The following PSD2 variants were observed in gnomAD, a reference collection of about 807,000 sequenced individuals.
The protein encoded by PSD2 is PH and SEC7 domain-containing protein 2.
PSD2 carries 38 observed loss-of-function variants against 69.8 expected under a neutral mutation model. The observed-to-expected ratio is 0.54, with a 90% CI of 0.42 to 0.71. PSD2 has a LOEUF of 0.71. Ranked by LOEUF, PSD2 falls within the 30% of genes least tolerant of loss-of-function variation. The pLI is 0.00. For missense variants in PSD2, 943 were observed against 1,014.5 expected, an observed-to-expected ratio of 0.93 and a Z score of 0.96; for synonymous variants, 412 against 423.0, an observed-to-expected ratio of 0.97 and a Z score of 0.32.
chr5:139,753,939 C>T, the PSD2 span, among the ~76,000 whole-genome samples: 7 of 152,136 alleles, frequency 4.6e-5, no homozygotes, highest in Admixed American at 6.5e-5. Context: ...CAGGTTCAAG[C>T]GATTCTCCTG....
intron 1 of PSD2, among the ~76,000 whole-genome samples, chr5:139,800,780 T>C (rs1293601485): frequency 6.6e-6 from 1 of 152,228 alleles, no homozygotes; most frequent in Non-Finnish European, 1.5e-5. Flanking sequence ...CCCTCCACTT[T>C]TGCAGAGATC....
the PSD2 span, among the ~76,000 whole-genome samples, chr5:139,769,001 A>G: frequency 6.6e-6 from 1 of 152,320 alleles, no homozygotes; most frequent in Non-Finnish European, 1.5e-5. Context: ...AACAGGAGCC[A>G]GTCCCTGCCC....
the PSD2 span, among the ~76,000 whole-genome samples, chr5:139,755,141 A>G: frequency 6.6e-6 from 1 of 152,202 alleles, no homozygotes; most frequent in Non-Finnish European, 1.5e-5. Flanking sequence ...CATGGATTTG[A>G]GGCAGCGCCA....
upstream of PSD2, among the ~76,000 whole-genome samples, chr5:139,793,581 A>G (rs895837381): frequency 3.9e-5 from 6 of 152,218 alleles, no homozygotes; most frequent in African/African-American, 7.2e-5. Flanking sequence ...GCCCAGCGCA[A>G]GTTAGCTGGA....
At chr5:139,792,859 T>TTTCCTCCC (rs1759440068), upstream of PSD2, among the ~76,000 whole-genome samples, 1 of 107,788 alleles carries the variant, frequency 9.3e-6, no homozygotes, top group Non-Finnish European at 1.9e-5. Flanking sequence ...TCTTTCTGTC[T>TTTCCTCCC]TTCCTTCCTT....
the PSD2 span, among the ~76,000 whole-genome samples, chr5:139,767,789 T>A: frequency 6.6e-6 from 1 of 152,262 alleles, no homozygotes; most frequent in African/African-American, 2.4e-5. Context: ...TGCCAGGTGC[T>A]GTGCAAAGTG....
At chr5:139,750,013 T>C in the PSD2 span, among the ~76,000 whole-genome samples, 1 of 143,210 alleles carries the variant, frequency 7.0e-6, no homozygotes, top group Non-Finnish European at 1.5e-5. Flanking sequence ...GGGCAACAGA[T>C]CGAGACCGTC....
chr5:139,760,009 G>A, the PSD2 span, among the ~76,000 whole-genome samples: 1 of 152,242 alleles, frequency 6.6e-6, no homozygotes, highest in East Asian at 1.9e-4. Context: ...CCAGGCTGAG[G>A]ACAAAGGCCT....
the PSD2 span, among the ~76,000 whole-genome samples, chr5:139,779,645 T>G: frequency 6.6e-6 from 1 of 152,216 alleles, no homozygotes; most frequent in Non-Finnish European, 1.5e-5. Context: ...TAAGCCCAAC[T>G]CTATCAAGAT....
At chr5:139,824,172 G>A (rs1019696107) in intron 7 of PSD2, among the ~76,000 whole-genome samples, 6 of 152,138 alleles carry the variant, frequency 3.9e-5, no homozygotes, top group African/African-American at 1.4e-4. Flanking sequence ...CCCCACCCCT[G>A]GCTGGGCCTC....
chr5:139,837,480 G>GAGT lies in PSD2; in HGVS notation c.1666-143_1666-141dup. The GAGT allele has an allele frequency of 1.1e-6, 1 of 890,348 alleles. No homozygotes were observed. Among genetic ancestry groups the GAGT allele is most frequent in the Non-Finnish European group, 1.7e-6 (1 of 585,038 alleles). 55.2% of individuals were successfully genotyped at this position (890,348 alleles called of 1,614,324 possible). On this transcript the variant is annotated intron_variant, in intron 11 of 14. Transcript: ENST00000274710. The surrounding 1 kb of genome is among the most constrained non-coding windows in gnomAD (Gnocchi z 5.0). ...CTGGGACAAACTGGGGTAAGGGGAGGAGTACCTGGATTCTTGTTGGGGTGG... is the reference window on the plus strand; with the variant it reads ...CTGGGACAAACTGGGGTAAGGGGAGGAGTAGTACCTGGATTCTTGTTGGGGTGG...
upstream of PSD2, among the ~76,000 whole-genome samples, chr5:139,795,350 G>T (rs951075648): frequency 1.3e-5 from 2 of 151,920 alleles, no homozygotes; most frequent in Non-Finnish European, 2.9e-5. The surrounding 1 kb of genome is among the most constrained non-coding windows in gnomAD (Gnocchi z 4.5). Flanking sequence ...CGTGTGTGTC[G>T]GGGGGCTGGG....
the PSD2 span, among the ~76,000 whole-genome samples, chr5:139,778,696 CAA>C: frequency 1.1e-4 from 17 of 151,690 alleles, no homozygotes; most frequent in African/African-American, 4.1e-4. Context: ...TTTGGGAGGC[CAA>C]GGATCGCTTG....
chr5:139,830,947 A>G (rs1311459331), intron 7 of PSD2, among the ~76,000 whole-genome samples: 1 of 146,726 alleles, frequency 6.8e-6, no homozygotes, highest in Non-Finnish European at 1.5e-5. Flanking sequence ...TGTCCATTTC[A>G]TCTGGGTTAT....
Position 139,828,250 on chromosome 5 carries a change from C to T in PSD2, c.1270-5452C>T, listed in dbSNP as rs113236067. On this transcript the variant is annotated intron_variant, in intron 7 of 14. Transcript: ENST00000274710. ...TCAATGGACTGAAGGCTGGGGTAAG[C>T]GGGGGAGAACCACCAGGGTTGAGGC... Among the ~76,000 whole-genome samples the T allele has an allele frequency of 1.6e-4, 24 of 145,814 alleles. No individual in the cohort carries two copies. The South Asian group carries it at 3.1e-3, about 19-fold the overall frequency.
chr5:139,793,268 G>A (rs1286226529), upstream of PSD2, among the ~76,000 whole-genome samples: 2 of 152,158 alleles, frequency 1.3e-5, no homozygotes, highest in African/African-American at 2.4e-5. Flanking sequence ...TTCAGGAGGC[G>A]AAGGTAGCCA....
rs1488262946 is a variant in PSD2 at position 139,805,693 on chromosome 5, A to G, written c.-50-3698A>G. Among the ~76,000 whole-genome samples, 4 of 152,162 alleles carry G rather than the reference A, an allele frequency of 2.6e-5. 1 individual carries two copies. Among genetic ancestry groups the G allele is most frequent in the Middle Eastern group, 6.3e-3 (2 of 316 alleles). ...GCAGAAGAAGCTCTTTTAAAGATCT[A>G]GGGAAAGAGCATTCTAGGCCACGGG... On this transcript the variant is annotated intron_variant, in intron 1 of 14. Coordinates refer to ENST00000274710, the MANE Select transcript of PSD2 (RefSeq NM_032289.4).
intron 6 of PSD2, 143 bp downstream of exon 6, chr5:139,822,148 A>G: frequency 5.5e-6 from 3 of 541,282 alleles, no homozygotes; most frequent in South Asian, 5.2e-5. Context: ...TAGGTGCTCA[A>G]TGAATGCTAA....
At chr5:139,756,377 G>A in the PSD2 span, among the ~76,000 whole-genome samples, 1 of 152,220 alleles carries the variant, frequency 6.6e-6, no homozygotes, top group Non-Finnish European at 1.5e-5. Context: ...AGCAGGCTGC[G>A]CTCCCCCGGG....
Sources: gnomAD v4.1 joint callset for allele counts (sites outside exome capture counted in the v4.1 genomes callset) on GRCh38, gnomAD v4.1.1 for gene constraint, Gnocchi (gnomAD v3.1) non-coding constraint, MANE v1.5 for transcripts, NCBI Gene and HGNC (gene_info 2026-07-23, HGNC 2026-07-21) for gene names.